Variants in ARHGAP24 observed in about 807,000 individuals in gnomAD.
ARHGAP24 encodes rho GTPase-activating protein 24.
ARHGAP24 carries 50 observed loss-of-function variants against 76.4 expected under a neutral mutation model. The observed-to-expected ratio is 0.65, with a 90% CI of 0.52 to 0.83. The LOEUF (loss-of-function observed/expected upper bound fraction) is 0.83, where lower values mean the gene tolerates loss of function less well. ARHGAP24 is among the 40% of genes least tolerant of loss of function. The probability of loss-of-function intolerance (pLI) is 0.00; values close to 1 mark genes in which losing one functional copy is unlikely to be tolerated. For missense variants in ARHGAP24, 930 were observed against 914.2 expected (o/e 1.02, Z -0.22); for synonymous variants, 345 against 323.3 (o/e 1.07, Z -0.72).
chr4:85,934,780 GC>G (rs1284023838), intron 4 of ARHGAP24, among the ~76,000 whole-genome samples: 1 of 152,180 alleles, frequency 6.6e-6, no homozygotes, highest in Non-Finnish European at 1.5e-5. Context: ...CTCCCAAAGT[GC>G]TGGGATTATA....
chr4:85,652,236 T>C (rs1197218962), intron 2 of ARHGAP24, among the ~76,000 whole-genome samples: 2 of 152,162 alleles, frequency 1.3e-5, no homozygotes, highest in African/African-American at 2.4e-5. Context: ...GTGATACCAC[T>C]AGTGAAATGT....
At chr4:85,802,044 T>C (rs901715389) in intron 3 of ARHGAP24, among the ~76,000 whole-genome samples, 2 of 152,234 alleles carry the variant, frequency 1.3e-5, no homozygotes, top group Non-Finnish European at 2.9e-5. Flanking sequence ...TTTTTAATAA[T>C]TCAACTAAGC....
At chr4:85,956,734 C>T (rs938537484) in intron 5 of ARHGAP24, among the ~76,000 whole-genome samples, 2 of 152,160 alleles carry the variant, frequency 1.3e-5, no homozygotes, top group African/African-American at 2.4e-5. Flanking sequence ...GGGCAATGGA[C>T]GCCTCGCTGA....
At chr4:85,808,436 T>C (rs968269407) in intron 3 of ARHGAP24, among the ~76,000 whole-genome samples, 19 of 152,346 alleles carry the variant, frequency 1.2e-4, no homozygotes, top group African/African-American at 4.6e-4. Context: ...TTCTTTTCAA[T>C]ATTCCTTCAC....
intron 2 of ARHGAP24, among the ~76,000 whole-genome samples, chr4:85,584,495 G>T (rs1362960898): frequency 6.6e-6 from 1 of 151,492 alleles, no homozygotes; most frequent in Non-Finnish European, 1.5e-5. Context: ...AATGCTAAAT[G>T]ACGAGTTAAT....
chr4:85,665,110 G>A (rs1383477013), intron 2 of ARHGAP24, among the ~76,000 whole-genome samples: 1 of 152,022 alleles, frequency 6.6e-6, no homozygotes, highest in African/African-American at 2.4e-5. Context: ...TGTTGACAGT[G>A]GGGTGTTAAA....
chr4:85,942,334 G>GCA, intron 5 of ARHGAP24, 61 bp downstream of exon 5: 3 of 1,565,074 alleles, frequency 1.9e-6, no homozygotes, highest in Non-Finnish European at 2.6e-6. Flanking sequence ...CTGACAGGAT[G>GCA]CAGTGAGCTG....
chr4:85,514,889 G>T (rs140576610), intron 1 of ARHGAP24, among the ~76,000 whole-genome samples: 7 of 144,394 alleles, frequency 4.8e-5, no homozygotes, highest in African/African-American at 1.8e-4. Context: ...AGCAGACCCT[G>T]AGACAAGGAT....
At chr4:85,551,427 G>A (rs1180544343) in intron 1 of ARHGAP24, among the ~76,000 whole-genome samples, 1 of 152,052 alleles carries the variant, frequency 6.6e-6, no homozygotes, top group African/African-American at 2.4e-5. Context: ...GGATTCAGAT[G>A]GTTAGTATTC....
At chr4:85,829,296 A>C (rs1246904251) in intron 3 of ARHGAP24, among the ~76,000 whole-genome samples, 1 of 152,258 alleles carries the variant, frequency 6.6e-6, no homozygotes, top group Non-Finnish European at 1.5e-5. Flanking sequence ...GGCAGTGAAC[A>C]TTAAAATTAT....
At chr4:85,551,407 G>A (rs976016786) in intron 1 of ARHGAP24, among the ~76,000 whole-genome samples, 11 of 152,118 alleles carry the variant, frequency 7.2e-5, no homozygotes, top group Non-Finnish European at 1.6e-4. Flanking sequence ...TAGCTATTCA[G>A]TGTGCTCCTG....
chr4:85,683,945 GAATGATATTCCATTGT>G (rs1723326243), intron 2 of ARHGAP24, among the ~76,000 whole-genome samples: 2 of 152,130 alleles, frequency 1.3e-5, no homozygotes, highest in African/African-American at 4.8e-5. Context: ...CTTTAAGGCT[GAATGATATTCCATTGT>G]ATATATATAT....
chr4:85,732,355 G>A (rs1440917874), intron 3 of ARHGAP24, among the ~76,000 whole-genome samples: 1 of 152,230 alleles, frequency 6.6e-6, no homozygotes, highest in Admixed American at 6.5e-5. Context: ...AAATGAGTGT[G>A]CAGCAGAACA....
chr4:85,901,745 T>C (rs1008732048), intron 3 of ARHGAP24, among the ~76,000 whole-genome samples: 2 of 152,128 alleles, frequency 1.3e-5, no homozygotes, highest in African/African-American at 2.4e-5. Flanking sequence ...AGAAAGTAAA[T>C]ATTTATTGTA....
chr4:85,901,756 G>C (rs1734504436), intron 3 of ARHGAP24, among the ~76,000 whole-genome samples: 1 of 152,122 alleles, frequency 6.6e-6, no homozygotes, highest in African/African-American at 2.4e-5. Flanking sequence ...ATTTATTGTA[G>C]CTTTACTAAC....
chr4:85,532,523 A>G (rs1264540161), intron 1 of ARHGAP24, among the ~76,000 whole-genome samples: 1 of 152,180 alleles, frequency 6.6e-6, no homozygotes, highest in Non-Finnish European at 1.5e-5. Context: ...TTGGTATTGT[A>G]CAGCCATCAT....
chr4:85,508,116 T>C (rs1724136984), intron 1 of ARHGAP24, among the ~76,000 whole-genome samples: 1 of 152,058 alleles, frequency 6.6e-6, no homozygotes, highest in African/African-American at 2.4e-5. Flanking sequence ...TCCAGATATA[T>C]GGCCTCAGGA....
At chr4:85,745,587 T>C (rs1726000333) in intron 3 of ARHGAP24, among the ~76,000 whole-genome samples, 1 of 54,116 alleles carries the variant, frequency 1.8e-5, no homozygotes, top group Non-Finnish European at 5.1e-5. Context: ...TGACACCTTA[T>C]CTCTTAAAAA....
At chr4:85,920,613 A>T (rs1408714092) in intron 3 of ARHGAP24, among the ~76,000 whole-genome samples, 1 of 152,164 alleles carries the variant, frequency 6.6e-6, no homozygotes, top group African/African-American at 2.4e-5. Flanking sequence ...ATGGGAGAAA[A>T]TTTTTGCATG....
Sources: allele counts gnomAD v4.1 joint callset (sites outside exome capture counted in the v4.1 genomes callset), GRCh38; gene constraint gnomAD v4.1.1; transcripts MANE v1.5; gene names NCBI Gene and HGNC (gene_info 2026-07-23, HGNC 2026-07-21).